The following ABCC11 variants were observed in gnomAD, a reference collection of about 807,000 sequenced individuals.
ABCC11 encodes the protein ATP-binding cassette sub-family C member 11.
In ABCC11, 135 loss-of-function variants were observed where a neutral mutation model predicts 149.3. That is an observed-to-expected ratio of 0.90 (90% CI 0.79 to 1.04). ABCC11 has a LOEUF of 1.04. ABCC11 is among the 50% of genes least tolerant of loss of function. ABCC11 has a pLI of 0.00. For missense variants in ABCC11, 1,680 were observed against 1,722.1 expected (o/e 0.98, Z 0.43); for synonymous variants, 665 against 671.4 (o/e 0.99, Z 0.15).
chr16:48,224,250 G>T, intron 5 of ABCC11, 32 bp downstream of exon 5: 1 of 1,606,916 alleles, frequency 6.2e-7, no homozygotes. Flanking sequence ...GAAGCCTAGA[G>T]TCCCCCAAAC....
At chr16:48,199,672 A>ATTT (rs71134549) in intron 15 of ABCC11, among the ~76,000 whole-genome samples, 1 of 58,242 alleles carries the variant, frequency 1.7e-5, no homozygotes, top group Non-Finnish European at 3.1e-5. Flanking sequence ...TTTTTTATTG[A>ATTT]TTTTTTTTTT....
At chr16:48,244,632 C>G in intron 1 of ABCC11, 1 of 1,353,886 alleles carries the variant, frequency 7.4e-7, no homozygotes, top group Admixed American at 4.1e-5. Context: ...GTAGGCCTGG[C>G]TGCCCCCGCG....
intron 18 of ABCC11, among the ~76,000 whole-genome samples, chr16:48,196,028 T>A (rs1373483304): frequency 6.6e-6 from 1 of 152,182 alleles, no homozygotes; most frequent in Non-Finnish European, 1.5e-5. Context: ...ATAATGAGTA[T>A]ACATGAAAAT....
Position 48,184,506 on chromosome 16 carries a change from G to A in ABCC11, c.3192C>T (p.Phe1064=), listed in dbSNP as rs145424602. ...GGGTGGAGGAAATGCCAAAAGCCAC[G>A]AACAGGGCAACAGCCAAGGTCACAA... ...TNLVTLAVAL[F]VAFGISSTPY... Residue 1064 remains phenylalanine, a synonymous_variant, in exon 23 of 30, where the codon TTC becomes TTT. Transcript: ENST00000356608. 20 of 1,614,060 alleles carry A rather than the reference G, an allele frequency of 1.2e-5. No homozygotes were observed. Among genetic ancestry groups the A allele is most frequent in the African/African-American group, 1.1e-4 (8 of 74,914 alleles).
chr16:48,213,324 C>T (rs980032162), intron 10 of ABCC11, 119 bp downstream of exon 10: 1 of 803,892 alleles, frequency 1.2e-6, no homozygotes, highest in South Asian at 1.7e-5. Context: ...ACTGAGTTAG[C>T]TAATCCCTCT....
At chr16:48,188,989 G>A (rs977785601) in intron 20 of ABCC11, among the ~76,000 whole-genome samples, 1 of 152,230 alleles carries the variant, frequency 6.6e-6, no homozygotes, top group Non-Finnish European at 1.5e-5. Context: ...GCAAATGCAT[G>A]GATACTGCTG....
chr16:48,216,736 T>C (rs894833184), intron 6 of ABCC11, among the ~76,000 whole-genome samples: 5 of 152,154 alleles, frequency 3.3e-5, no homozygotes, highest in African/African-American at 1.2e-4. Context: ...TTGCTGAAAG[T>C]CCCTCTGCTT....
intron 20 of ABCC11, among the ~76,000 whole-genome samples, chr16:48,189,842 A>G (rs1459708838): frequency 6.6e-6 from 1 of 152,148 alleles, no homozygotes; most frequent in African/African-American, 2.4e-5. Flanking sequence ...AAGTTGAAAC[A>G]CTTCATGGCA....
At chr16:48,172,385 T>C (rs1011086868) in intron 26 of ABCC11, among the ~76,000 whole-genome samples, 3 of 152,126 alleles carry the variant, frequency 2.0e-5, no homozygotes, top group African/African-American at 7.2e-5. Flanking sequence ...GATATATAAC[T>C]AGAAGTGAAA....
intron 22 of ABCC11, among the ~76,000 whole-genome samples, chr16:48,185,052 C>T (rs1966674522): frequency 6.6e-6 from 1 of 152,150 alleles, no homozygotes; most frequent in African/African-American, 2.4e-5. Flanking sequence ...CAGAGGGTCT[C>T]TGGGAGCTTA....
intron 28 of ABCC11, among the ~76,000 whole-genome samples, chr16:48,168,511 A>C (rs182402138): frequency 2.0e-4 from 31 of 152,292 alleles, no homozygotes; most frequent in Admixed American, 2.0e-3. Flanking sequence ...GCATGCATAC[A>C]TGTGTGAGTA....
At position 48,211,458 on chromosome 16, in the gene ABCC11, C is replaced by T. The variant is rs62059402; in HGVS notation, c.1357-259G>A. On this transcript the variant is annotated intron_variant, in intron 10 of 29. Coordinates refer to ENST00000356608, the MANE Select transcript of ABCC11 (RefSeq NM_001370497.1). ...CTGCACTGTCAACTGCAACTCTGCG[C>T]TCAGGAGGTTGACTAAGGCCTAACC... is the stretch of plus-strand genomic sequence containing the variant. 3.1e-3 allele frequency among the ~76,000 whole-genome samples: 473 copies of T among 152,310 alleles called. 2 individuals carry two copies. Among genetic ancestry groups the T allele is most frequent in the Non-Finnish European group, 5.3e-3 (359 of 68,024 alleles).
Position 48,215,281 on chromosome 16 carries a change from T to A in ABCC11, c.1015A>T (p.Ile339Phe). 1 of 1,614,208 alleles carries A rather than the reference T, an allele frequency of 6.2e-7. No homozygotes were observed. The highest frequency in any genetic ancestry group is 8.5e-7 in the Non-Finnish European group (1 of 1,180,002). ...HHTSEVSDQR[I>F]RVTSEVLTCI... ...GTGAGAACTTCACTGGTCACACGGATGCGCTGGTCGCTGACCTCAGATGTG... is the reference window on the plus strand; with the variant it reads ...GTGAGAACTTCACTGGTCACACGGAAGCGCTGGTCGCTGACCTCAGATGTG... Residue 339 changes from isoleucine to phenylalanine, a missense_variant, in exon 8 of 30, where the codon ATC (isoleucine) becomes TTC (phenylalanine). By Grantham distance (21) the Ile-to-Phe change is conservative (BLOSUM62 0). Coordinates refer to ENST00000356608, the MANE Select transcript of ABCC11 (RefSeq NM_001370497.1).
chr16:48,178,588 G>A lies in ABCC11; in HGVS notation c.3348+9C>T. 2 of 1,613,950 alleles carry A rather than the reference G, an allele frequency of 1.2e-6. No homozygotes were observed. The highest frequency in any genetic ancestry group is 1.7e-6 in the Non-Finnish European group (2 of 1,179,934). ...GGCTCCCCACACCAGACCCAGACCT[G>A]AACCCCACCTTCATGTACTGCAGTA... On this transcript the variant is annotated intron_variant, in intron 24 of 29. Transcript: ENST00000356608.
At chr16:48,171,069 T>C in intron 26 of ABCC11, 102 bp from the exon 27 acceptor site, 9 of 1,075,326 alleles carry the variant, frequency 8.4e-6, no homozygotes, top group South Asian at 5.3e-5. Context: ...AACTGGATTA[T>C]GGGGTTTAGG....
At chr16:48,246,530 G>T (rs1971396232) in intron 1 of ABCC11, among the ~76,000 whole-genome samples, 1 of 152,082 alleles carries the variant, frequency 6.6e-6, no homozygotes, top group African/African-American at 2.4e-5. Flanking sequence ...ACTATTTGTT[G>T]GTATTATTCT....
At position 48,178,617 on chromosome 16, in the gene ABCC11, T is replaced by G. The variant is rs773583935; in HGVS notation, c.3328A>C (p.Arg1110=). 14 of 1,613,884 alleles carry G rather than the reference T, an allele frequency of 8.7e-6. No individual in the cohort carries two copies. The highest frequency in any genetic ancestry group is 2.2e-5 in the East Asian group (1 of 44,872). ...ETEAQFTAVE[R]ILQYMKMCVS... The stretch of plus-strand genomic sequence containing the variant: ...CCCACCTTCATGTACTGCAGTATCC[T>G]CTCTACAGCCGTGAACTGTGCCTCT... The change falls in exon 24 of 30, where the codon AGG becomes CGG. Residue 1110 remains arginine (R), a synonymous_variant. Transcript: ENST00000356608.
intron 23 of ABCC11, among the ~76,000 whole-genome samples, chr16:48,182,646 G>A (rs527296298): frequency 2.0e-5 from 3 of 152,208 alleles, no homozygotes; most frequent in South Asian, 4.2e-4. Context: ...AGCTGGGCAT[G>A]GTGGCGGGCC....
intron 3 of ABCC11, among the ~76,000 whole-genome samples, chr16:48,229,589 T>C (rs8051516): frequency 0.038 from 4,970 of 130,604 alleles, 318 homozygotes; most frequent in African/African-American, 0.094. Context: ...CTCAGCCTCC[T>C]GAGTAGCTGG....
Sources: gnomAD v4.1 joint callset for allele counts (sites outside exome capture counted in the v4.1 genomes callset) on GRCh38, gnomAD v4.1.1 for gene constraint, MANE v1.5 for transcripts, NCBI Gene and HGNC (gene_info 2026-07-23, HGNC 2026-07-21) for gene names.